KCNQ5: variants seen among roughly 807,000 people sequenced by gnomAD.
KCNQ5 encodes the protein potassium voltage-gated channel subfamily KQT member 5.
KCNQ5 carries 30 observed loss-of-function variants against 98.2 expected under a neutral mutation model. The observed-to-expected ratio is 0.31, with a 90% CI of 0.23 to 0.41. The LOEUF is 0.41. KCNQ5 is among the 10% of genes least tolerant of loss of function. The probability of loss-of-function intolerance (pLI) is 1.00; values close to 1 mark genes in which losing one functional copy is unlikely to be tolerated. For missense variants in KCNQ5, 835 were observed against 1,182.5 expected (o/e 0.71, Z 4.31); for synonymous variants, 458 against 449.4 (o/e 1.02, Z -0.24).
In KCNQ5 at chr6:72,622,178, C is replaced by T. The variant is rs765756929; in HGVS notation, c.-12C>T. 8 of 1,220,368 alleles carry T rather than the reference C, an allele frequency of 6.6e-6. No individual in the cohort carries two copies. In the African/African-American group the frequency reaches 1.1e-4, roughly 17 times the overall value. 75.6% of individuals were successfully genotyped at this position (1,220,368 alleles called of 1,614,324 possible). On this transcript the variant is annotated 5_prime_UTR_variant, in exon 1 of 14. Coordinates refer to ENST00000370398, the MANE Select transcript of KCNQ5 (RefSeq NM_019842.4). The surrounding 1 kb of genome is among the most constrained non-coding windows in gnomAD (Gnocchi z 6.0). ...GCGCTGGCGGCCCCCTCGCGGTGCC[C>T]GTGGTGATGCCATGCCCCGCCACCA... is the stretch of plus-strand genomic sequence containing the variant.
At chr6:72,889,908 T>G (rs1413209234) in intron 1 of KCNQ5, among the ~76,000 whole-genome samples, 5 of 152,160 alleles carry the variant, frequency 3.3e-5, no homozygotes, top group African/African-American at 7.2e-5. Context: ...GTGTGGCTGT[T>G]TGCAGCCCTA....
intron 1 of KCNQ5, among the ~76,000 whole-genome samples, chr6:72,847,769 A>C (rs1366900334): frequency 6.6e-6 from 1 of 152,196 alleles, no homozygotes; most frequent in Non-Finnish European, 1.5e-5. Context: ...AAACTTTCAG[A>C]GAAGGAAAAA....
At chr6:72,961,048 T>C (rs914440808) in intron 1 of KCNQ5, among the ~76,000 whole-genome samples, 39 of 152,290 alleles carry the variant, frequency 2.6e-4, no homozygotes, top group African/African-American at 6.0e-4. Context: ...GGTAGAAGGA[T>C]AGCTTGAGCC....
chr6:73,057,810 A>C (rs1170471796), intron 3 of KCNQ5, among the ~76,000 whole-genome samples: 1 of 152,250 alleles, frequency 6.6e-6, no homozygotes, highest in African/African-American at 2.4e-5. Context: ...CTAAGCAAAA[A>C]CAACAAAGCC....
chr6:72,848,937 C>T (rs980323619), intron 1 of KCNQ5, among the ~76,000 whole-genome samples: 14 of 152,148 alleles, frequency 9.2e-5, no homozygotes, highest in African/African-American at 3.4e-4. Context: ...AATAAGCCCG[C>T]TTCCTTTATA....
At chr6:72,681,634 T>G (rs1352441928) in intron 1 of KCNQ5, among the ~76,000 whole-genome samples, 1 of 152,222 alleles carries the variant, frequency 6.6e-6, no homozygotes, top group African/African-American at 2.4e-5. Flanking sequence ...AGCCTCTGCA[T>G]GCATGCCCTA....
At chr6:73,083,348 AC>A (rs1347235934) in intron 5 of KCNQ5, among the ~76,000 whole-genome samples, 2 of 152,184 alleles carry the variant, frequency 1.3e-5, no homozygotes, top group Non-Finnish European at 2.9e-5. Flanking sequence ...AATGCAAAAT[AC>A]TAAATATGCT....
chr6:73,105,286 C>T lies in KCNQ5; in HGVS notation c.948C>T (p.Asp316=), dbSNP rs770386902. 6.2e-7 allele frequency: 1 copy of T among 1,610,992 alleles called. No individual in the cohort carries two copies. Among genetic ancestry groups the T allele is most frequent in the Non-Finnish European group, 8.5e-7 (1 of 1,178,112 alleles). ...TITLTTIGYG[D]KTPLTWLGRL... is the part of the protein sequence containing the mutation. ...CATTGACAACTATTGGCTATGGAGA[C>T]AAAACTCCCCTAACTTGGCTGGGAA... Residue 316 remains aspartate, a synonymous_variant, in exon 6 of 14, where the codon GAC becomes GAT. Transcript: ENST00000370398.
chr6:73,141,918 A>G (rs2150469728), intron 10 of KCNQ5, among the ~76,000 whole-genome samples: 1 of 152,374 alleles, frequency 6.6e-6, no homozygotes, highest in Non-Finnish European at 1.5e-5. Context: ...ATGGTCAGGT[A>G]TCCAGAAGCA....
At chr6:73,124,003 C>CT (rs1490905386) in intron 8 of KCNQ5, among the ~76,000 whole-genome samples, 2 of 152,068 alleles carry the variant, frequency 1.3e-5, no homozygotes, top group Non-Finnish European at 2.9e-5. Flanking sequence ...TTCTATGTAC[C>CT]TTATTTACTC....
intron 1 of KCNQ5, among the ~76,000 whole-genome samples, chr6:72,678,017 A>G (rs1024999208): frequency 2.6e-5 from 4 of 152,200 alleles, no homozygotes; most frequent in African/African-American, 9.7e-5. Context: ...AAAAAAAGAA[A>G]TTTTATTAAA....
At chr6:72,925,173 A>G (rs1780578736) in intron 1 of KCNQ5, among the ~76,000 whole-genome samples, 2 of 152,168 alleles carry the variant, frequency 1.3e-5, no homozygotes, top group Admixed American at 1.3e-4. Flanking sequence ...TGTCTAAATA[A>G]GTATACCCAA....
intron 1 of KCNQ5, among the ~76,000 whole-genome samples, chr6:72,705,172 A>G (rs1311005038): frequency 6.6e-6 from 1 of 152,276 alleles, no homozygotes; most frequent in East Asian, 1.9e-4. Context: ...CATTCTGGAT[A>G]CTTCCACCAT....
At chr6:72,741,143 G>A (rs1771112757) in intron 1 of KCNQ5, among the ~76,000 whole-genome samples, 1 of 152,174 alleles carries the variant, frequency 6.6e-6, no homozygotes, top group South Asian at 2.1e-4. Context: ...GTTTAGAAAA[G>A]CTGAATAGGC....
At chr6:72,849,177 T>C (rs892889591) in intron 1 of KCNQ5, among the ~76,000 whole-genome samples, 7 of 152,092 alleles carry the variant, frequency 4.6e-5, no homozygotes, top group Admixed American at 3.3e-4. Flanking sequence ...AGATTTTCCT[T>C]ATGCAGTCAT....
chr6:72,867,758 C>A (rs1345185881), intron 1 of KCNQ5, among the ~76,000 whole-genome samples: 2 of 150,910 alleles, frequency 1.3e-5, no homozygotes, highest in Non-Finnish European at 2.9e-5. Context: ...AGCAACATGG[C>A]AAAACCCCTT....
At chr6:72,830,331 C>T (rs1776197690) in intron 1 of KCNQ5, among the ~76,000 whole-genome samples, 3 of 152,162 alleles carry the variant, frequency 2.0e-5, no homozygotes, top group South Asian at 2.1e-4. Context: ...TAACTTCAAA[C>T]TATACTACAA....
intron 3 of KCNQ5, among the ~76,000 whole-genome samples, chr6:73,066,683 T>C (rs75262594): frequency 6.6e-6 from 1 of 152,178 alleles, no homozygotes. Flanking sequence ...TCAATCCAAC[T>C]ATTTTAAAGG....
intron 1 of KCNQ5, among the ~76,000 whole-genome samples, chr6:72,854,751 CCAT>C (rs1562026538): frequency 1.3e-4 from 11 of 86,062 alleles, no homozygotes; most frequent in African/African-American, 4.0e-4. Context: ...CACACACACA[CCAT>C]GGTTTGTGTG....
Sources: gnomAD v4.1 joint callset for allele counts (sites outside exome capture counted in the v4.1 genomes callset) on GRCh38, gnomAD v4.1.1 for gene constraint, Gnocchi (gnomAD v3.1) non-coding constraint, MANE v1.5 for transcripts, NCBI Gene and HGNC (gene_info 2026-07-23, HGNC 2026-07-21) for gene names.